Variants in SH2D4A observed in about 807,000 individuals in gnomAD.
SH2D4A encodes the protein SH2 domain-containing protein 4A.
In SH2D4A, 70 loss-of-function variants were observed where a neutral mutation model predicts 64.7. That is an observed-to-expected ratio of 1.08 (90% CI 0.89 to 1.32). The LOEUF is 1.32. Ranked by LOEUF, SH2D4A falls within the 40% of genes most tolerant of loss-of-function variation. SH2D4A has a pLI of 0.00. For synonymous variants in SH2D4A, 268 were observed against 200.7 expected (o/e 1.34, Z -2.83); for missense variants, 706 against 540.1 (o/e 1.31, Z -3.04).
At chr8:19,365,116 T>C (rs916822308) in intron 7 of SH2D4A, among the ~76,000 whole-genome samples, 1 of 152,244 alleles carries the variant, frequency 6.6e-6, no homozygotes, top group Admixed American at 6.5e-5. Flanking sequence ...GAAATACTTC[T>C]CTAAGATTAT....
intron 2 of SH2D4A, among the ~76,000 whole-genome samples, chr8:19,327,846 C>T (rs1169616991): frequency 1.3e-5 from 2 of 152,150 alleles, no homozygotes; most frequent in Admixed American, 6.5e-5. Flanking sequence ...CAGTTCTCAC[C>T]ATCCCTTCCA....
chr8:19,391,577 C>G (rs568618643), intron 8 of SH2D4A, among the ~76,000 whole-genome samples: 1 of 152,302 alleles, frequency 6.6e-6, no homozygotes, highest in Non-Finnish European at 1.5e-5. Flanking sequence ...ACTCCCAGCT[C>G]TTACCTGGAG....
At position 19,376,870 on chromosome 8, in the gene SH2D4A, CA is replaced by C. The variant is rs1478065514; in HGVS notation, c.1048+3211del. ...TTCTCAGAATGTAATCAGGCAAAAT[CA>C]TCTCAGAAATCCTCAAAACCACAGG... On this transcript the variant is annotated intron_variant, in intron 8 of 9. Transcript: ENST00000265807. Among the ~76,000 whole-genome samples, 4 of 152,106 alleles carry C rather than the reference CA, an allele frequency of 2.6e-5. No individual in the cohort carries two copies. In the East Asian group the frequency reaches 7.7e-4, roughly 29 times the overall value.
intron 8 of SH2D4A, among the ~76,000 whole-genome samples, chr8:19,384,423 C>T (rs981905344): frequency 6.6e-6 from 1 of 152,192 alleles, no homozygotes; most frequent in Admixed American, 6.5e-5. Flanking sequence ...CTGATTTTGT[C>T]ACCCTTTATC....
rs536902913 is a variant in SH2D4A, at chr8:19,364,296, C to T, written c.917+14C>T. 11 of 1,613,522 alleles carry T rather than the reference C, an allele frequency of 6.8e-6. No homozygotes were observed. In the South Asian group the frequency reaches 1.2e-4, roughly 18 times the overall value. On this transcript the variant is annotated intron_variant, in intron 7 of 9. Transcript: ENST00000265807. The stretch of plus-strand genomic sequence containing the variant: ...AAAACCTCTTAGGTAAGAAGCCACA[C>T]AGATGGGTTTATGCATAAACATTGC...
Position 19,386,557 on chromosome 8 carries a change from A to G in SH2D4A, c.1049-6761A>G, listed in dbSNP as rs891660978. Among the ~76,000 whole-genome samples the G allele has an allele frequency of 4.1e-4, 63 of 152,272 alleles. 1 individual carries two copies. The highest frequency in any genetic ancestry group is 1.5e-3 in the African/African-American group (61 of 41,560). ...GGGAGCCCCAAGCTTCCCACTACAC[A>G]TGCCCAGGACTGGACCCTTGTAGTT... is the stretch of plus-strand genomic sequence containing the variant. On this transcript the variant is annotated intron_variant, in intron 8 of 9. Transcript: ENST00000265807.
chr8:19,393,590 G>T, intron 9 of SH2D4A, 49 bp downstream of exon 9: 1 of 1,572,954 alleles, frequency 6.4e-7, no homozygotes. Context: ...CTGTCCTGTA[G>T]CAGCTCTAAC....
intron 3 of SH2D4A, 67 bp from the exon 4 acceptor site, chr8:19,334,619 T>G: frequency 1.3e-6 from 2 of 1,500,862 alleles, no homozygotes; most frequent in Non-Finnish European, 1.8e-6. Context: ...AATGTCGACA[T>G]ATGCTTTGGA....
At chr8:19,355,403 C>T (rs1172773035) in intron 4 of SH2D4A, among the ~76,000 whole-genome samples, 1 of 152,016 alleles carries the variant, frequency 6.6e-6, no homozygotes, top group African/African-American at 2.4e-5. Context: ...GAACTGGTTA[C>T]TGTTCTAAGT....
chr8:19,380,419 T>A (rs1182544958), intron 8 of SH2D4A, among the ~76,000 whole-genome samples: 2 of 152,190 alleles, frequency 1.3e-5, no homozygotes, highest in Non-Finnish European at 2.9e-5. Flanking sequence ...GCTCGTGCCT[T>A]TGGTGTCATA....
intron 4 of SH2D4A, among the ~76,000 whole-genome samples, chr8:19,343,326 C>G (rs556486641): frequency 2.6e-5 from 4 of 151,974 alleles, no homozygotes; most frequent in Admixed American, 6.6e-5. Flanking sequence ...CCAGCTACTC[C>G]AGTGGCCGAG....
chr8:19,337,238 C>T (rs1218710285), intron 4 of SH2D4A, among the ~76,000 whole-genome samples: 1 of 152,170 alleles, frequency 6.6e-6, no homozygotes, highest in Non-Finnish European at 1.5e-5. Flanking sequence ...GCAGGCCACA[C>T]AGCGAGGAGC....
At chr8:19,332,782 C>T (rs555678540) in intron 2 of SH2D4A, among the ~76,000 whole-genome samples, 173 bp from the exon 3 acceptor site, 10 of 151,940 alleles carry the variant, frequency 6.6e-5, no homozygotes, top group Admixed American at 2.6e-4. Flanking sequence ...CTCTCACTGC[C>T]ACCACTGCCA....
intron 4 of SH2D4A, among the ~76,000 whole-genome samples, chr8:19,339,566 C>G (rs2052495549): frequency 7.0e-6 from 1 of 142,738 alleles, no homozygotes; most frequent in African/African-American, 2.6e-5. Flanking sequence ...GTGGTGCAAT[C>G]ATAGCTCACT....
chr8:19,376,622 CAAAAT>C (rs764505303), intron 8 of SH2D4A, among the ~76,000 whole-genome samples: 12 of 151,932 alleles, frequency 7.9e-5, no homozygotes, highest in Non-Finnish European at 1.6e-4. Flanking sequence ...TACTCTGTCT[CAAAAT>C]AATAATAATA....
At chr8:19,343,901 G>T (rs1459116737) in intron 4 of SH2D4A, among the ~76,000 whole-genome samples, 1 of 152,204 alleles carries the variant, frequency 6.6e-6, no homozygotes, top group Non-Finnish European at 1.5e-5. Flanking sequence ...CAGGGATGGA[G>T]TGGGTGACAG....
intron 4 of SH2D4A, 102 bp downstream of exon 4, chr8:19,334,959 TG>T: frequency 3.0e-6 from 4 of 1,343,018 alleles, no homozygotes; most frequent in Non-Finnish European, 4.0e-6. Context: ...GATCCTCCAG[TG>T]GCTTTCTTGG....
chr8:19,338,315 A>G (rs950325187), intron 4 of SH2D4A, among the ~76,000 whole-genome samples: 17 of 152,162 alleles, frequency 1.1e-4, no homozygotes, highest in African/African-American at 4.1e-4. Flanking sequence ...TCCCTCTATC[A>G]AAAGGGGATA....
intron 8 of SH2D4A, among the ~76,000 whole-genome samples, chr8:19,387,505 G>A (rs1368009199): frequency 6.6e-6 from 1 of 152,266 alleles, no homozygotes; most frequent in Non-Finnish European, 1.5e-5. Context: ...CTCCCAAAGT[G>A]CTGGGATTAT....
Sources: allele counts gnomAD v4.1 joint callset (sites outside exome capture counted in the v4.1 genomes callset), GRCh38; gene constraint gnomAD v4.1.1; transcripts MANE v1.5; gene names NCBI Gene and HGNC (gene_info 2026-07-23, HGNC 2026-07-21).